The following HPCAL1 variants were observed in gnomAD, a reference collection of about 807,000 sequenced individuals.
HPCAL1 encodes hippocalcin like 1, also known as hippocalcin-like protein 1.
In HPCAL1, 8 loss-of-function variants were observed where a neutral mutation model predicts 17.1. The observed-to-expected ratio is 0.47, with a 90% CI of 0.27 to 0.84. HPCAL1 has a LOEUF of 0.84. Ranked by LOEUF, HPCAL1 falls within the 40% of genes least tolerant of loss-of-function variation. The pLI, the probability that HPCAL1 is intolerant of heterozygous loss-of-function variation, is 0.13. For missense variants in HPCAL1, 165 were observed against 271.1 expected, an observed-to-expected ratio of 0.61 and a Z score of 2.75; for synonymous variants, 112 against 111.4, an observed-to-expected ratio of 1.01 and a Z score of -0.03.
At chr2:10,409,228 TAGGTGGAGACACGG>T (rs1436513027) in intron 2 of HPCAL1, among the ~76,000 whole-genome samples, 1 of 152,132 alleles carries the variant, frequency 6.6e-6, no homozygotes, top group African/African-American at 2.4e-5. Context: ...CCCTAGCTTA[TAGGTGGAGACACGG>T]AGGCACCTGA....
chr2:10,353,288 C>A (rs1665939290), intron 1 of HPCAL1, among the ~76,000 whole-genome samples: 1 of 152,174 alleles, frequency 6.6e-6, no homozygotes, highest in East Asian at 1.9e-4. Context: ...AATATTAATA[C>A]CAAGGACATT....
intron 2 of HPCAL1, chr2:10,406,154 G>A (rs1669957294): frequency 6.6e-6 from 1 of 152,200 alleles, no homozygotes; most frequent in Admixed American, 6.5e-5. Context: ...ACTGAAACTG[G>A]AAGAGTCTTT....
At chr2:10,353,201 T>G (rs1173873749) in intron 1 of HPCAL1, among the ~76,000 whole-genome samples, 1 of 152,212 alleles carries the variant, frequency 6.6e-6, no homozygotes. Flanking sequence ...GGCAGTGTTT[T>G]GGGCGTGCTG....
Position 10,384,742 on chromosome 2 carries a change from T to C in HPCAL1, c.-110-12093T>C, listed in dbSNP as rs986876050. Among the ~76,000 whole-genome samples the C allele has an allele frequency of 1.3e-5, 2 of 152,144 alleles. No homozygotes were observed. Among genetic ancestry groups the C allele is most frequent in the African/African-American group, 2.4e-5 (1 of 41,418 alleles). ...TAAACAGTGCAGTGGCAGCCGGGGCTGGCACTTTTAAAGAAAGCCTCAAGA... is the reference window on the plus strand; with the variant it reads ...TAAACAGTGCAGTGGCAGCCGGGGCCGGCACTTTTAAAGAAAGCCTCAAGA... On this transcript the variant is annotated intron_variant, in intron 1 of 4. Coordinates refer to ENST00000307845, the MANE Select transcript of HPCAL1 (RefSeq NM_002149.4). This position sits in a 1 kb window ranked among gnomAD's most constrained non-coding sequence, Gnocchi z 4.4.
intron 1 of HPCAL1, among the ~76,000 whole-genome samples, chr2:10,317,328 A>G (rs1558452615): frequency 6.6e-6 from 1 of 152,190 alleles, no homozygotes; most frequent in African/African-American, 2.4e-5. Flanking sequence ...TATCCAAAAC[A>G]GCCACAACAA....
intron 2 of HPCAL1, among the ~76,000 whole-genome samples, chr2:10,403,914 T>C (rs574504602): frequency 6.6e-6 from 1 of 152,316 alleles, no homozygotes; most frequent in East Asian, 1.9e-4. Flanking sequence ...ATTCAAGTAA[T>C]TGGTCTGAAT....
intron 1 of HPCAL1, among the ~76,000 whole-genome samples, chr2:10,309,041 C>CTT (rs35367502): frequency 1.2e-4 from 18 of 147,798 alleles, no homozygotes; most frequent in African/African-American, 4.4e-4. Flanking sequence ...TCTTAACAAA[C>CTT]TTTTTTTTTT....
chr2:10,321,798 C>T (rs1312964407), intron 1 of HPCAL1, among the ~76,000 whole-genome samples: 1 of 152,208 alleles, frequency 6.6e-6, no homozygotes, highest in Non-Finnish European at 1.5e-5. Context: ...TGTATCTGTA[C>T]TGCATGCCTG....
At chr2:10,404,243 C>T (rs1669831233) in intron 2 of HPCAL1, among the ~76,000 whole-genome samples, 1 of 152,134 alleles carries the variant, frequency 6.6e-6, no homozygotes, top group African/African-American at 2.4e-5. Context: ...GGAGCTCCCA[C>T]CTTAGCCAGA....
chr2:10,341,492 G>A (rs1665077634), intron 1 of HPCAL1, among the ~76,000 whole-genome samples: 1 of 151,942 alleles, frequency 6.6e-6, no homozygotes, highest in Admixed American at 6.6e-5. Context: ...ACAAATGTAT[G>A]CATGGAGGTA....
intron 1 of HPCAL1, among the ~76,000 whole-genome samples, chr2:10,381,073 A>G (rs527968478): frequency 1.3e-5 from 2 of 152,334 alleles, no homozygotes; most frequent in East Asian, 1.9e-4. Flanking sequence ...TGTGCAGGAC[A>G]GAGGCAGCCC....
rs1442419305 is a variant in HPCAL1, at chr2:10,427,425, CCT to C, written c.*605_*606del. 6.6e-6 allele frequency: 1 copy of C among 152,570 alleles called. No homozygotes were observed. The highest frequency in any genetic ancestry group is 1.5e-5 in the Non-Finnish European group (1 of 68,346). The allele number at this position is 152,570 out of a possible 1,614,324, so 9.5% of individuals were successfully genotyped here. ...CGCAGCCCTCTGTGGCCCGCAGCCC[CCT>C]GAGCCTGGCTGTTGTGTGGTATTTA... On this transcript the variant is annotated 3_prime_UTR_variant, in exon 5 of 5. Transcript: ENST00000307845.
intron 2 of HPCAL1, among the ~76,000 whole-genome samples, chr2:10,399,093 A>C (rs1669254520): frequency 6.6e-6 from 1 of 151,810 alleles, no homozygotes; most frequent in Non-Finnish European, 1.5e-5. Flanking sequence ...ACCCGTGTCA[A>C]GAAGCTGGAG....
intron 1 of HPCAL1, among the ~76,000 whole-genome samples, chr2:10,341,829 T>C (rs372208758): frequency 6.6e-6 from 1 of 152,100 alleles, no homozygotes; most frequent in African/African-American, 2.4e-5. Context: ...TTTGAAAAGA[T>C]CTACAAGTTT....
At position 10,365,478 on chromosome 2, in the gene HPCAL1, C is replaced by T. The variant is rs116121238; in HGVS notation, c.-110-31357C>T. On this transcript the variant is annotated intron_variant, in intron 1 of 4. Transcript: ENST00000307845. This position sits in a 1 kb window ranked among gnomAD's most constrained non-coding sequence, Gnocchi z 4.8. ...GGAGGTAGAGCGGGTCGAAGGCTTG[C>T]GGAGGGACAGGTGGGTCTCCCATGG... 4.1e-3 allele frequency among the ~76,000 whole-genome samples: 630 copies of T among 152,262 alleles called. 11 individuals carry two copies. The highest frequency in any genetic ancestry group is 0.015 in the African/African-American group (603 of 41,556).
intron 1 of HPCAL1, among the ~76,000 whole-genome samples, chr2:10,353,811 C>T (rs1477345482): frequency 6.6e-6 from 1 of 152,200 alleles, no homozygotes; most frequent in Admixed American, 6.5e-5. Flanking sequence ...ATCTTCCCAC[C>T]TCAGCCTCCC....
intron 1 of HPCAL1, among the ~76,000 whole-genome samples, chr2:10,385,190 C>G (rs1296934998): frequency 6.6e-5 from 10 of 152,090 alleles, no homozygotes; most frequent in Non-Finnish European, 1.5e-4. Context: ...TGCGGTGGTC[C>G]TTGCCATCTT....
intron 4 of HPCAL1, chr2:10,424,402 C>T (rs11674615): frequency 0.19 from 80,889 of 436,734 alleles, 7,772 homozygotes; most frequent in African/African-American, 0.22. Context: ...TGAGGCTGTC[C>T]GCTCCTCGTG....
At position 10,420,148 on chromosome 2, in the gene HPCAL1, G is replaced by C. The variant is rs758741720; in HGVS notation, c.378+13G>C. The C allele has an allele frequency of 2.5e-6, 4 of 1,597,722 alleles. No individual in the cohort carries two copies. Among genetic ancestry groups the C allele is most frequent in the Non-Finnish European group, 1.7e-6 (2 of 1,169,456 alleles). On this transcript the variant is annotated intron_variant, in intron 3 of 4. Transcript: ENST00000307845. ...GGAGATCGTGCAGGTACCGGCGCCC[G>C]AGGCCCCGGGTCTCACCGCGGGCCC...
Sources: gnomAD v4.1 joint callset for allele counts (sites outside exome capture counted in the v4.1 genomes callset) on GRCh38, gnomAD v4.1.1 for gene constraint, Gnocchi (gnomAD v3.1) non-coding constraint, MANE v1.5 for transcripts, NCBI Gene and HGNC (gene_info 2026-07-23, HGNC 2026-07-21) for gene names.